Variants in GPD1L observed in about 807,000 individuals in gnomAD.
The protein encoded by GPD1L is glycerol-3-phosphate dehydrogenase 1 like, also known as glycerol-3-phosphate dehydrogenase 1-like protein.
GPD1L carries 17 observed loss-of-function variants against 32.9 expected under a neutral mutation model. The observed-to-expected ratio is 0.52, with a 90% CI of 0.35 to 0.78. The LOEUF (loss-of-function observed/expected upper bound fraction) is 0.78. Ranked by LOEUF, GPD1L falls within the 30% of genes least tolerant of loss-of-function variation. The probability of loss-of-function intolerance (pLI) is 0.01; values close to 1 mark genes in which losing one functional copy is unlikely to be tolerated. For missense variants in GPD1L, 361 were observed against 447.8 expected (o/e 0.81, Z 1.75); for synonymous variants, 187 against 165.9 (o/e 1.13, Z -0.98).
chr3:32,160,721 A>C (rs1291607206), intron 7 of GPD1L, among the ~76,000 whole-genome samples: 1 of 152,120 alleles, frequency 6.6e-6, no homozygotes, highest in East Asian at 1.9e-4. Flanking sequence ...AGGTGGGCTT[A>C]AGTCAGTTTA....
chr3:32,157,760 T>C (rs984619032), intron 5 of GPD1L, among the ~76,000 whole-genome samples: 13 of 152,218 alleles, frequency 8.5e-5, no homozygotes, highest in African/African-American at 2.7e-4. Flanking sequence ...TCTGCAACCA[T>C]AGACGATGTG....
intron 1 of GPD1L, among the ~76,000 whole-genome samples, chr3:32,125,504 G>A (rs761814848): frequency 6.6e-6 from 1 of 152,156 alleles, no homozygotes; most frequent in Non-Finnish European, 1.5e-5. Flanking sequence ...CCATCCTTAT[G>A]TCTTCTCCCT....
At chr3:32,125,109 T>C (rs1700487984) in intron 1 of GPD1L, among the ~76,000 whole-genome samples, 1 of 152,166 alleles carries the variant, frequency 6.6e-6, no homozygotes, top group Non-Finnish European at 1.5e-5. Context: ...TTCCTCTCCA[T>C]ATGTGAATTT....
rs192350001 is a variant in GPD1L at position 32,129,927 on chromosome 3, A to T, written c.225+1674A>T. 3.1e-3 allele frequency among the ~76,000 whole-genome samples: 477 copies of T among 152,016 alleles called. 3 individuals are homozygous for T. Among genetic ancestry groups the T allele is most frequent in the African/African-American group, 0.011 (454 of 41,454 alleles). On this transcript the variant is annotated intron_variant, in intron 2 of 7. Transcript: ENST00000282541. Reference sequence around the variant, plus strand: ...TTCCCTTTGGTAAACTACATGCTTCATTGTTACATTCCTCCCACCCTGCCT... The same window carrying T: ...TTCCCTTTGGTAAACTACATGCTTCTTTGTTACATTCCTCCCACCCTGCCT...
chr3:32,166,280 A>T lies in GPD1L; in HGVS notation c.*370A>T. 1 of 302,730 alleles carries T rather than the reference A, an allele frequency of 3.3e-6. No individual in the cohort carries two copies. The highest frequency in any genetic ancestry group is 3.2e-5 in the South Asian group (1 of 31,582). The allele number at this position is 302,730 out of a possible 1,614,324, so 18.8% of individuals were successfully genotyped here. A position where few individuals can be genotyped will look rare whatever the true frequency, so the allele number is the denominator to read the frequency against. The stretch of plus-strand genomic sequence containing the variant: ...TAATTCATATGTATTTGAGTGGAGG[A>T]TTTTTTTTCTCATTTTTCTAGTGTT... On this transcript the variant is annotated 3_prime_UTR_variant, in exon 8 of 8. Coordinates refer to ENST00000282541, the MANE Select transcript of GPD1L (RefSeq NM_015141.4).
In GPD1L at chr3:32,168,191, T is replaced by G. The variant is rs1451702328; in HGVS notation, c.*2281T>G. ...GTGTCTCTTGAACATACTTAGGATATTCTGCACATTATGGAAAAAGGTAAA... is the reference window on the plus strand; with the variant it reads ...GTGTCTCTTGAACATACTTAGGATAGTCTGCACATTATGGAAAAAGGTAAA... On this transcript the variant is annotated 3_prime_UTR_variant, in exon 8 of 8. Transcript: ENST00000282541. The G allele has an allele frequency of 2.6e-5, 4 of 151,550 alleles. No individual in the cohort carries two copies. Among genetic ancestry groups the G allele is most frequent in the Non-Finnish European group, 5.9e-5 (4 of 67,522 alleles). 9.4% of individuals were successfully genotyped at this position (151,550 alleles called of 1,614,324 possible).
intron 1 of GPD1L, among the ~76,000 whole-genome samples, chr3:32,120,310 C>T (rs1348590544): frequency 1.3e-5 from 2 of 151,798 alleles, no homozygotes; most frequent in Non-Finnish European, 2.9e-5. Flanking sequence ...GAGTGAGACT[C>T]TGTCTCAAAA....
intron 7 of GPD1L, among the ~76,000 whole-genome samples, chr3:32,162,635 T>G (rs1455163481): frequency 1.7e-5 from 1 of 57,654 alleles, no homozygotes; most frequent in Non-Finnish European, 3.0e-5. Flanking sequence ...TCCACCCGCC[T>G]CGGCCTCCCA....
At chr3:32,118,229 C>T (rs775800170) in intron 1 of GPD1L, among the ~76,000 whole-genome samples, 1 of 152,222 alleles carries the variant, frequency 6.6e-6, no homozygotes, top group Non-Finnish European at 1.5e-5. Context: ...TAAACTAACA[C>T]ATGCCTGTTT....
At chr3:32,143,197 TA>T (rs34411149) in intron 4 of GPD1L, among the ~76,000 whole-genome samples, 39 of 146,274 alleles carry the variant, frequency 2.7e-4, no homozygotes, top group Middle Eastern at 3.5e-3. Context: ...CCTGTCTCTT[TA>T]AAAAAAAAAA....
intron 4 of GPD1L, among the ~76,000 whole-genome samples, chr3:32,142,932 T>A (rs1429224052): frequency 6.6e-6 from 1 of 152,154 alleles, no homozygotes; most frequent in Non-Finnish European, 1.5e-5. Context: ...GTGGAGTAGC[T>A]CTCGTGAGGC....
intron 2 of GPD1L, among the ~76,000 whole-genome samples, chr3:32,135,706 G>C (rs1700652066): frequency 6.6e-6 from 1 of 152,190 alleles, no homozygotes; most frequent in Admixed American, 6.5e-5. Context: ...ACCCACCTCA[G>C]CCTCCCCAAG....
chr3:32,131,729 A>G (rs933469429), intron 2 of GPD1L, among the ~76,000 whole-genome samples: 1 of 152,186 alleles, frequency 6.6e-6, no homozygotes, highest in Non-Finnish European at 1.5e-5. Context: ...GAACCTTTAT[A>G]TACAATGTTT....
rs547460019 is a variant in GPD1L at position 32,150,430 on chromosome 3, C to CA, written c.618+3697dup. 6.6e-5 allele frequency among the ~76,000 whole-genome samples: 10 copies of CA among 152,048 alleles called. No individual in the cohort carries two copies. In the South Asian group the frequency reaches 1.5e-3, roughly 22 times the overall value. On this transcript the variant is annotated intron_variant, in intron 5 of 7. Transcript: ENST00000282541. ...TAGCTGGGATTATAGGTATGCACCACAGCGCCTGATTTATGTTATTGTTTT... is the reference window on the plus strand; with the variant it reads ...TAGCTGGGATTATAGGTATGCACCACAAGCGCCTGATTTATGTTATTGTTTT...
chr3:32,157,103 G>A (rs1559582362), intron 5 of GPD1L, among the ~76,000 whole-genome samples: 1 of 152,134 alleles, frequency 6.6e-6, no homozygotes, highest in Non-Finnish European at 1.5e-5. Flanking sequence ...CTGTGCAACT[G>A]TGCAGGTGTT....
At chr3:32,128,483 A>G (rs970514328) in intron 2 of GPD1L, among the ~76,000 whole-genome samples, 5 of 152,184 alleles carry the variant, frequency 3.3e-5, no homozygotes, top group Non-Finnish European at 5.9e-5. Context: ...ACAGAAATTT[A>G]TCTTTTATAA....
chr3:32,146,799 C>A, intron 5 of GPD1L, 65 bp downstream of exon 5: 3 of 897,570 alleles, frequency 3.3e-6, no homozygotes, highest in Admixed American at 1.7e-5. Context: ...TGAGTCTAAT[C>A]CTCAAGAATG....
chr3:32,111,976 G>T (rs773875807), intron 1 of GPD1L, among the ~76,000 whole-genome samples: 1 of 152,050 alleles, frequency 6.6e-6, no homozygotes, highest in African/African-American at 2.4e-5. Flanking sequence ...GCTCCTTTAT[G>T]GTCAGAAATA....
intron 1 of GPD1L, among the ~76,000 whole-genome samples, chr3:32,125,752 A>G (rs767743770): frequency 6.6e-6 from 1 of 152,016 alleles, no homozygotes; most frequent in Non-Finnish European, 1.5e-5. Context: ...CAAATAACAC[A>G]TTGCCTTTCC....
Sources: gnomAD v4.1 joint callset for allele counts (sites outside exome capture counted in the v4.1 genomes callset) on GRCh38, gnomAD v4.1.1 for gene constraint, MANE v1.5 for transcripts, NCBI Gene and HGNC (gene_info 2026-07-23, HGNC 2026-07-21) for gene names.